MET: variants seen among roughly 807,000 people sequenced by gnomAD.
The protein encoded by MET is hepatocyte growth factor receptor.
MET carries 48 observed loss-of-function variants against 133.1 expected under a neutral mutation model. The observed-to-expected ratio is 0.36, with a 90% CI of 0.29 to 0.46. The LOEUF is 0.46. MET is among the 20% of genes least tolerant of loss of function. MET has a pLI of 1.00. For missense variants in MET, 1,442 were observed against 1,695.9 expected (o/e 0.85, Z 2.63); for synonymous variants, 628 against 616.5 (o/e 1.02, Z -0.28).
intron 2 of MET, among the ~76,000 whole-genome samples, chr7:116,715,504 A>T (rs1344007292): frequency 6.6e-6 from 1 of 152,170 alleles, no homozygotes; most frequent in African/African-American, 2.4e-5. Flanking sequence ...TCATCTCAAG[A>T]TCCTTAACTA....
chr7:116,748,948 T>C (rs1793809305), intron 5 of MET, among the ~76,000 whole-genome samples: 1 of 152,142 alleles, frequency 6.6e-6, no homozygotes, highest in South Asian at 2.1e-4. Context: ...AGTTCTGCAA[T>C]TGAGACAGTA....
rs375461370 is a variant in MET at position 116,777,356 on chromosome 7, C to G, written c.3260-33C>G. On this transcript the variant is annotated intron_variant, in intron 15 of 20. Coordinates refer to ENST00000397752, the MANE Select transcript of MET (RefSeq NM_000245.4). Reference sequence around the variant, plus strand: ...ATAATTATTTCATAATTAAATGTTACGCAGTGCTAACCAAGTTCTTTCTTT... The same window carrying G: ...ATAATTATTTCATAATTAAATGTTAGGCAGTGCTAACCAAGTTCTTTCTTT... 34 of 1,518,706 alleles carry G rather than the reference C, an allele frequency of 2.2e-5. No individual in the cohort carries two copies. In the African/African-American group the frequency reaches 4.1e-4, roughly 18 times the overall value. 94.1% of individuals were successfully genotyped at this position (1,518,706 alleles called of 1,614,324 possible). A position where few individuals can be genotyped will look rare whatever the true frequency, so the allele number is the denominator to read the frequency against.
chr7:116,738,768 A>G (rs1760651316), intron 3 of MET, among the ~76,000 whole-genome samples: 1 of 152,188 alleles, frequency 6.6e-6, no homozygotes, highest in African/African-American at 2.4e-5. Context: ...TGAAGAAAAA[A>G]TTTACAATTG....
chr7:116,783,311 G>A lies in MET; in HGVS notation c.3640G>A (p.Glu1214Lys), dbSNP rs1261418076. ...TTTTTGTCCTTTCTGTAGGCTGGAT[G>A]AAAAATTCACAGTCAAGGTTGCTGA... ...DLAARNCMLDEKFTVKVADFG... is the reference protein window; with the variant it reads ...DLAARNCMLDKKFTVKVADFG... The change falls in exon 19 of 21, where the codon GAA (glutamate) becomes AAA (lysine). Residue 1214 changes from glutamate to lysine, a missense_variant. Glu to Lys is a moderately conservative substitution (Grantham distance 56). Coordinates refer to ENST00000397752, the MANE Select transcript of MET (RefSeq NM_000245.4). The A allele has an allele frequency of 1.2e-6, 2 of 1,614,114 alleles. No homozygotes were observed. Among genetic ancestry groups the A allele is most frequent in the Non-Finnish European group, 1.7e-6 (2 of 1,180,000 alleles).
chr7:116,783,947 T>G (rs78339146), intron 19 of MET, among the ~76,000 whole-genome samples: 6,779 of 152,274 alleles, frequency 0.045, 190 homozygotes, highest in African/African-American at 0.069. Context: ...CCATCCTTCT[T>G]GCGCAGAACA....
At chr7:116,688,259 A>C (rs1040260756) in intron 1 of MET, among the ~76,000 whole-genome samples, 2 of 152,070 alleles carry the variant, frequency 1.3e-5, no homozygotes, top group Non-Finnish European at 2.9e-5. Flanking sequence ...AGACTTGGAA[A>C]GATGTTTCTC....
chr7:116,681,799 C>T (rs1796370434), intron 1 of MET, among the ~76,000 whole-genome samples: 1 of 152,138 alleles, frequency 6.6e-6, no homozygotes, highest in Non-Finnish European at 1.5e-5. Context: ...GACAGCAAGC[C>T]AATATGATCA....
At chr7:116,709,768 C>A (rs1322183460) in intron 2 of MET, among the ~76,000 whole-genome samples, 1 of 152,000 alleles carries the variant, frequency 6.6e-6, no homozygotes, top group African/African-American at 2.4e-5. Flanking sequence ...ATAGGGGTTA[C>A]ACACAACCTC....
rs928208607 is a variant in MET, at chr7:116,712,804, G to T, written c.1200+12520G>T. On this transcript the variant is annotated intron_variant, in intron 2 of 20. Transcript: ENST00000397752. ...AAGGAAAGATTAAGATAGGGAGGGT[G>T]AATAGATAGGAATTCCAGAGTTTTG... Among the ~76,000 whole-genome samples the T allele has an allele frequency of 2.6e-5, 4 of 152,144 alleles. 1 individual carries two copies. Among genetic ancestry groups the T allele is most frequent in the African/African-American group, 9.7e-5 (4 of 41,426 alleles).
chr7:116,734,499 G>C (rs902179662), intron 3 of MET, among the ~76,000 whole-genome samples: 5 of 152,196 alleles, frequency 3.3e-5, no homozygotes, highest in Non-Finnish European at 7.3e-5. Context: ...AACATTTTGT[G>C]TATGGCAGGG....
chr7:116,687,776 G>A (rs1000981999), intron 1 of MET, among the ~76,000 whole-genome samples: 12 of 152,294 alleles, frequency 7.9e-5, no homozygotes, highest in South Asian at 4.1e-4. Flanking sequence ...AGAGAAAATA[G>A]CACTACAAGG....
intron 19 of MET, among the ~76,000 whole-genome samples, chr7:116,784,472 C>T (rs1047052531): frequency 4.6e-5 from 7 of 152,120 alleles, no homozygotes; most frequent in African/African-American, 1.7e-4. Flanking sequence ...CTGGAGAGGC[C>T]TCAGGGAGCT....
At chr7:116,711,941 G>A (rs2116660096) in intron 2 of MET, among the ~76,000 whole-genome samples, 1 of 152,212 alleles carries the variant, frequency 6.6e-6, no homozygotes, top group African/African-American at 2.4e-5. Context: ...AATTTCTATG[G>A]TGTAAATATC....
At chr7:116,735,987 AG>A (rs1274338412) in intron 3 of MET, among the ~76,000 whole-genome samples, 1 of 152,058 alleles carries the variant, frequency 6.6e-6, no homozygotes, top group Admixed American at 6.6e-5. Context: ...CATGTTGGCC[AG>A]GCTGGTCTAG....
At chr7:116,744,326 C>T (rs555677632) in intron 5 of MET, among the ~76,000 whole-genome samples, 16 of 151,848 alleles carry the variant, frequency 1.1e-4, no homozygotes, top group Non-Finnish European at 2.1e-4. Flanking sequence ...CTAGAATAAC[C>T]GTTTAGAGAA....
intron 1 of MET, among the ~76,000 whole-genome samples, chr7:116,690,232 A>G (rs557905262): frequency 6.6e-6 from 1 of 152,322 alleles, no homozygotes; most frequent in South Asian, 2.1e-4. Flanking sequence ...TAACTGAAGG[A>G]CAGTGTTTCT....
chr7:116,724,489 C>T (rs1037064829), intron 2 of MET, among the ~76,000 whole-genome samples: 9 of 152,088 alleles, frequency 5.9e-5, no homozygotes, highest in African/African-American at 7.2e-5. Flanking sequence ...ATCTTGGCTC[C>T]GTGGATAAGC....
intron 5 of MET, among the ~76,000 whole-genome samples, chr7:116,745,081 T>G (rs1194132634): frequency 6.6e-6 from 1 of 152,194 alleles, no homozygotes; most frequent in African/African-American, 2.4e-5. Context: ...TTTAGCAAAG[T>G]CTCAGGATAC....
intron 2 of MET, among the ~76,000 whole-genome samples, chr7:116,705,723 A>AT (rs1284388875): frequency 2.6e-5 from 4 of 152,100 alleles, no homozygotes; most frequent in Admixed American, 6.6e-5. Context: ...AAGGTTATTA[A>AT]TTTTACATTT....
Sources: allele counts gnomAD v4.1 joint callset (sites outside exome capture counted in the v4.1 genomes callset), GRCh38; gene constraint gnomAD v4.1.1; transcripts MANE v1.5; gene names NCBI Gene and HGNC (gene_info 2026-07-23, HGNC 2026-07-21).